The following MELTF variants were observed in gnomAD, a reference collection of about 807,000 sequenced individuals.
The protein encoded by MELTF is antigen p97 (melanoma associated) identified by monoclonal antibodies 133.2 and 96.5.
Under a neutral mutation model 83.7 loss-of-function variants are expected in MELTF, and 67 were observed. The observed-to-expected ratio is 0.80, with a 90% CI of 0.66 to 0.98. The LOEUF is 0.98. MELTF is among the 50% of genes least tolerant of loss of function. MELTF has a pLI of 0.00. For synonymous variants in MELTF, 462 were observed against 447.6 expected, an observed-to-expected ratio of 1.03 and a Z score of -0.41; for missense variants, 1,002 against 1,035.6, an observed-to-expected ratio of 0.97 and a Z score of 0.44.
intron 4 of MELTF, among the ~76,000 whole-genome samples, chr3:197,023,337 T>C (rs1383320083): frequency 2.0e-5 from 3 of 152,196 alleles, no homozygotes; most frequent in Non-Finnish European, 4.4e-5. Flanking sequence ...CATTTAAAAA[T>C]GGTTCGGGGG....
intron 2 of MELTF, 59 bp from the exon 3 acceptor site, chr3:197,026,818 C>G: frequency 6.6e-7 from 1 of 1,506,582 alleles, no homozygotes. Flanking sequence ...GCAAAGAACT[C>G]GGGACACCTA....
In MELTF at chr3:197,019,936, G is replaced by C; in HGVS notation, c.712+1468C>G. On this transcript the variant is annotated intron_variant, in intron 6 of 15. Transcript: ENST00000296350. ...TTTGCTGCTTGCTGGCAGGTGCGGGGAGATAACTAGCAGGGGCCTGAGGAA... is the reference window on the plus strand; with the variant it reads ...TTTGCTGCTTGCTGGCAGGTGCGGGCAGATAACTAGCAGGGGCCTGAGGAA... 5 of 1,294,548 alleles carry C rather than the reference G, an allele frequency of 3.9e-6. No individual in the cohort carries two copies. In the Admixed American group the frequency reaches 1.2e-4, roughly 30 times the overall value. 80.2% of individuals were successfully genotyped at this position (1,294,548 alleles called of 1,614,324 possible).
chr3:197,003,427 A>G lies in MELTF; in HGVS notation c.2162T>C (p.Leu721Pro), dbSNP rs1181713168. The change falls in exon 16 of 16, where the codon CTG (leucine) becomes CCG (proline). Residue 721 changes from leucine to proline, a missense_variant. By Grantham distance (98) the Leu-to-Pro change is moderately conservative. Transcript: ENST00000296350. This position sits in a 1 kb window ranked among gnomAD's most constrained non-coding sequence, Gnocchi z 6.2. ...GAAAPAPGAPLLPLLLPALAA... is the reference protein window; with the variant it reads ...GAAAPAPGAPPLPLLLPALAA... ...GAGGGCGGGCAGCAGCAGCGGGAGC[A>G]GGGGCGCCCCGGGCGCCGGGGCCGC... is the stretch of plus-strand genomic sequence containing the variant. 3.8e-6 allele frequency: 4 copies of G among 1,047,536 alleles called. No homozygotes were observed. In the African/African-American group the frequency reaches 5.8e-5, roughly 15 times the overall value. 64.9% of individuals were successfully genotyped at this position (1,047,536 alleles called of 1,614,324 possible).
chr3:197,023,052 C>T lies in MELTF; in HGVS notation c.549G>A (p.Glu183=). The change falls in exon 5 of 16, where the codon GAG becomes GAA. Residue 183 remains glutamate, a synonymous_variant. Coordinates refer to ENST00000296350, the MANE Select transcript of MELTF (RefSeq NM_005929.6). ...CACCCCTGCAGAGGCGACAGAGGGACTCAGAGTAACTGGTCTCTCCTGCCC... is the reference window on the plus strand; with the variant it reads ...CACCCCTGCAGAGGCGACAGAGGGATTCAGAGTAACTGGTCTCTCCTGCCC... ...VPGAGETSYS[E]SLCRLCRGDS... is the part of the protein sequence containing the mutation. 1 of 1,613,884 alleles carries T rather than the reference C, an allele frequency of 6.2e-7. No individual in the cohort carries two copies. Among genetic ancestry groups the T allele is most frequent in the Non-Finnish European group, 8.5e-7 (1 of 1,180,016 alleles).
At chr3:197,023,296 C>A (rs1435532878) in intron 4 of MELTF, among the ~76,000 whole-genome samples, 183 bp from the exon 5 acceptor site, 1 of 152,132 alleles carries the variant, frequency 6.6e-6, no homozygotes, top group African/African-American at 2.4e-5. Context: ...CCGGGTCCAC[C>A]AAGGCAGCAG....
intron 6 of MELTF, chr3:197,019,398 T>A (rs939932297): frequency 1.5e-6 from 2 of 1,317,232 alleles, no homozygotes; most frequent in African/African-American, 1.5e-5. Flanking sequence ...AATCTTTCTG[T>A]ATAAAGTCAC....
At chr3:197,005,739 T>G (rs1187300717) in intron 14 of MELTF, among the ~76,000 whole-genome samples, 1 of 150,450 alleles carries the variant, frequency 6.6e-6, no homozygotes, top group African/African-American at 2.5e-5. Flanking sequence ...TTTAGCAACA[T>G]GGGTCACTGT....
At chr3:197,019,123 A>G in intron 6 of MELTF, 1 of 986,480 alleles carries the variant, frequency 1.0e-6, no homozygotes. Context: ...AACTCCCTAA[A>G]GGTCATTGTT....
Position 197,003,860 on chromosome 3 carries a change from T to A in MELTF, c.2137+41A>T, listed in dbSNP as rs538311719. 6.3e-7 allele frequency: 1 copy of A among 1,599,552 alleles called. No individual in the cohort carries two copies. The highest frequency in any genetic ancestry group is 1.7e-5 in the Admixed American group (1 of 59,616). On this transcript the variant is annotated intron_variant, in intron 15 of 15. Transcript: ENST00000296350. The surrounding 1 kb of genome is among the most constrained non-coding windows in gnomAD (Gnocchi z 6.2). ...CTCAGGGTTCTGGGGTGAAGGGGTC[T>A]GAATAGCACCAGGGGAGGCGGCAGG...
rs570258663 is a variant in MELTF at position 197,005,923 on chromosome 3, G to A, written c.1938+626C>T. ...CCACTCTTTGGAGGAGTTTTGCTTC[G>A]AAAGGGAGCAGGATTGGCCGGGCAC... On this transcript the variant is annotated intron_variant, in intron 14 of 15. Transcript: ENST00000296350. Among the ~76,000 whole-genome samples the A allele has an allele frequency of 6.5e-4, 80 of 123,154 alleles. 2 individuals carry two copies. Among genetic ancestry groups the A allele is most frequent in the African/African-American group, 2.6e-3 (75 of 29,068 alleles). 80.8% of individuals were successfully genotyped at this position (123,154 alleles called of 152,430 possible).
At chr3:197,019,844 T>A (rs1307580807) in intron 6 of MELTF, 1 of 1,523,214 alleles carries the variant, frequency 6.6e-7, no homozygotes, top group Non-Finnish European at 8.9e-7. Flanking sequence ...AGAATGACAA[T>A]GATTTAAAAA....
At chr3:197,026,963 TAAAA>T in intron 2 of MELTF, 1 of 509,216 alleles carries the variant, frequency 2.0e-6, no homozygotes, top group South Asian at 2.7e-5. Flanking sequence ...CTAATAATGT[TAAAA>T]AAAAAATACT....
chr3:197,016,699 G>A (rs966490008), intron 7 of MELTF, among the ~76,000 whole-genome samples: 3 of 152,252 alleles, frequency 2.0e-5, no homozygotes, highest in African/African-American at 7.2e-5. Flanking sequence ...AACTGAGCCT[G>A]GGGCACCAGC....
At chr3:197,021,034 A>T (rs1719603247) in intron 6 of MELTF, among the ~76,000 whole-genome samples, 1 of 152,184 alleles carries the variant, frequency 6.6e-6, no homozygotes, top group Non-Finnish European at 1.5e-5. Flanking sequence ...GAGGAGAAAA[A>T]TGCCAGGAAG....
chr3:197,004,349 C>G (rs1480200058), intron 14 of MELTF: 3 of 540,794 alleles, frequency 5.5e-6, no homozygotes, highest in Non-Finnish European at 1.0e-5. Flanking sequence ...TGCTCCAGCT[C>G]CTGGATGCAG....
intron 14 of MELTF, 95 bp from the exon 15 acceptor site, chr3:197,004,194 G>A: frequency 8.6e-7 from 1 of 1,156,700 alleles, no homozygotes; most frequent in Non-Finnish European, 1.3e-6. Flanking sequence ...TACATACAGT[G>A]ACCCAAAGAG....
chr3:197,024,574 G>T lies in MELTF; in HGVS notation c.305-89C>A. On this transcript the variant is annotated intron_variant, in intron 3 of 15. Transcript: ENST00000296350. This position sits in a 1 kb window ranked among gnomAD's most constrained non-coding sequence, Gnocchi z 5.3. ...CCCTGCCTGGGCGGGCTGTGGGAGAGGTGTGTGCACGGAGCACGGCTGTAC... is the reference window on the plus strand; with the variant it reads ...CCCTGCCTGGGCGGGCTGTGGGAGATGTGTGTGCACGGAGCACGGCTGTAC... 1.6e-6 allele frequency: 2 copies of T among 1,237,576 alleles called. No individual in the cohort carries two copies. Among genetic ancestry groups the T allele is most frequent in the East Asian group, 2.4e-5 (1 of 41,084 alleles). 76.7% of individuals were successfully genotyped at this position (1,237,576 alleles called of 1,614,324 possible).
intron 6 of MELTF, chr3:197,019,631 C>T: frequency 6.2e-7 from 1 of 1,611,454 alleles, no homozygotes; most frequent in Non-Finnish European, 8.5e-7. Context: ...CTACTCTTTG[C>T]CCGTTTTCCA....
chr3:197,021,426 G>A lies in MELTF; in HGVS notation c.690C>T (p.Ser230=), dbSNP rs1416933501. 1 of 1,614,114 alleles carries A rather than the reference G, an allele frequency of 6.2e-7. No individual in the cohort carries two copies. The highest frequency in any genetic ancestry group is 1.1e-5 in the South Asian group (1 of 91,090). ...GAGDVAFVKH[S]TVLENTDGKT... ...CACCATCCGTGTTCTCCAGTACCGT[G>A]CTGTGCTTCACAAAAGCCACGTCCC... Residue 230 remains serine, a synonymous_variant, in exon 6 of 16, where the codon AGC becomes AGT. Transcript: ENST00000296350.
Sources: gnomAD v4.1 joint callset for allele counts (sites outside exome capture counted in the v4.1 genomes callset) on GRCh38, gnomAD v4.1.1 for gene constraint, Gnocchi (gnomAD v3.1) non-coding constraint, MANE v1.5 for transcripts, NCBI Gene and HGNC (gene_info 2026-07-23, HGNC 2026-07-21) for gene names.